IP6K2: variants seen among roughly 807,000 people sequenced by gnomAD.
IP6K2 encodes ATP:1D-myo-inositol-hexakisphosphate phosphotransferase.
IP6K2 carries 9 observed loss-of-function variants against 43.3 expected under a neutral mutation model. That is an observed-to-expected ratio of 0.21 (90% confidence interval 0.13 to 0.36). The LOEUF is 0.36. IP6K2 is among the 10% of genes least tolerant of loss of function. The pLI is 1.00. For missense variants in IP6K2, 332 were observed against 538.4 expected (o/e 0.62, Z 3.79); for synonymous variants, 209 against 202.4 (o/e 1.03, Z -0.28).
Position 48,688,500 on chromosome 3 carries a change from A to G in IP6K2, c.1054T>C (p.Leu352=), listed in dbSNP as rs760183457. ...EVVLDSDAED[L]EDLSEESADE... is the part of the protein sequence containing the mutation. ...GCTGATTCCTCTGACAGGTCCTCCA[A>G]ATCCTCAGCATCTGAGTCCAGGACC... The change falls in exon 6 of 6, where the codon TTG becomes CTG. Residue 352 remains leucine, a synonymous_variant. Coordinates refer to ENST00000328631, the MANE Select transcript of IP6K2 (RefSeq NM_016291.4). The surrounding 1 kb of genome is among the most constrained non-coding windows in gnomAD (Gnocchi z 5.1). 2.5e-6 allele frequency: 4 copies of G among 1,614,204 alleles called. No individual in the cohort carries two copies. In the African/African-American group the frequency reaches 4.0e-5, roughly 16 times the overall value.
chr3:48,707,696 C>T (rs2079973296), intron 1 of IP6K2, among the ~76,000 whole-genome samples: 1 of 152,142 alleles, frequency 6.6e-6, no homozygotes, highest in Non-Finnish European at 1.5e-5. Context: ...CCTTGGCCTC[C>T]CAAAGTGCTG....
chr3:48,691,807 T>A (rs1176853602), intron 3 of IP6K2, among the ~76,000 whole-genome samples: 3 of 136,996 alleles, frequency 2.2e-5, no homozygotes, highest in African/African-American at 3.2e-5. Flanking sequence ...ACTCAAAAAA[T>A]AAATAAATAA....
At position 48,694,803 on chromosome 3, in the gene IP6K2, G is replaced by C. The variant is rs562184464; in HGVS notation, c.202+287C>G. On this transcript the variant is annotated intron_variant, in intron 2 of 5. Coordinates refer to ENST00000328631, the MANE Select transcript of IP6K2 (RefSeq NM_016291.4). ...ACCGTCCCCCCAGTGGGGGACTATG[G>C]GTTACTGTGATCAAGAGACACCTGA... is the stretch of plus-strand genomic sequence containing the variant. 8.7e-5 allele frequency: 134 copies of C among 1,536,116 alleles called. 2 individuals carry two copies. The South Asian group carries it at 1.6e-3, about 18-fold the overall frequency.
rs780955935 is a variant in IP6K2 at position 48,688,771 on chromosome 3, C to T, written c.783G>A (p.Val261=). 2 of 1,606,326 alleles carry T rather than the reference C, an allele frequency of 1.2e-6. No homozygotes were observed. The highest frequency in any genetic ancestry group is 2.2e-5 in the South Asian group (2 of 89,884). The part of the protein sequence containing the change: ...VIGVRVCGMQ[V]YQAGSGQLMF... Reference sequence around the variant, plus strand: ...TGAGCTGCCCACTGCCTGCTTGGTACACCTGTAGGAGAGAGACCAGCAAGT... The same window carrying T: ...TGAGCTGCCCACTGCCTGCTTGGTATACCTGTAGGAGAGAGACCAGCAAGT... The change falls in exon 6 of 6, where the codon GTG becomes GTA. Residue 261 remains valine (V), a splice_region_variant and synonymous_variant. Coordinates refer to ENST00000328631, the MANE Select transcript of IP6K2 (RefSeq NM_016291.4). This position sits in a 1 kb window ranked among gnomAD's most constrained non-coding sequence, Gnocchi z 5.1.
At chr3:48,714,134 A>C (rs1365184672) in intron 1 of IP6K2, among the ~76,000 whole-genome samples, 2 of 152,192 alleles carry the variant, frequency 1.3e-5, no homozygotes, top group Admixed American at 6.5e-5. Context: ...ACAAAACAAA[A>C]CAAAACAAAA....
rs759980196 is a variant in IP6K2, at chr3:48,688,659, G to A, written c.895C>T (p.Leu299=). The change falls in exon 6 of 6, where the codon CTG becomes TTG. Residue 299 remains leucine, a synonymous_variant. Transcript: ENST00000328631. This position sits in a 1 kb window ranked among gnomAD's most constrained non-coding sequence, Gnocchi z 5.1. Reference sequence around the variant, plus strand: ...ACAGGGCCCAGGAGTTCACGGCGCAGGTACCGCCCATTGTGGAAGAACTGG... The same window carrying A: ...ACAGGGCCCAGGAGTTCACGGCGCAAGTACCGCCCATTGTGGAAGAACTGG... ...LFQFFHNGRY[L]RRELLGPVLK... 2 of 1,614,244 alleles carry A rather than the reference G, an allele frequency of 1.2e-6. No homozygotes were observed. Among genetic ancestry groups the A allele is most frequent in the South Asian group, 2.2e-5 (2 of 91,084 alleles).
intron 2 of IP6K2, chr3:48,693,991 A>AG: frequency 3.6e-6 from 5 of 1,378,340 alleles, no homozygotes; most frequent in South Asian, 1.8e-5. Flanking sequence ...AGCGCCTTAC[A>AG]AACGACTGGC....
chr3:48,688,823 T>C lies in IP6K2; in HGVS notation c.781-50A>G. The C allele has an allele frequency of 6.4e-7, 1 of 1,550,754 alleles. No individual in the cohort carries two copies. The highest frequency in any genetic ancestry group is 8.7e-7 in the Non-Finnish European group (1 of 1,149,318). ...AGGGGCTGAGGGCCATCTCAAACCC[T>C]GGACCCCGGGCGGGGGTGGGGTGGT... On this transcript the variant is annotated intron_variant, in intron 5 of 5. Transcript: ENST00000328631. The surrounding 1 kb of genome is among the most constrained non-coding windows in gnomAD (Gnocchi z 5.1).
rs2078190768 is a variant in IP6K2 at position 48,695,155 on chromosome 3, G to A, written c.137C>T (p.Pro46Leu). The A allele has an allele frequency of 6.2e-7, 1 of 1,608,412 alleles. No individual in the cohort carries two copies. The change falls in exon 2 of 6, where the codon CCA (proline) becomes CTA (leucine). Residue 46 changes from proline (P) to leucine (L), a missense_variant. Pro to Leu is a moderately conservative substitution (Grantham distance 98, BLOSUM62 -3). Coordinates refer to ENST00000328631, the MANE Select transcript of IP6K2 (RefSeq NM_016291.4). This position sits in a 1 kb window ranked among gnomAD's most constrained non-coding sequence, Gnocchi z 4.6. The stretch of plus-strand genomic sequence containing the variant: ...GGTCTCGTAGAACTGATGTTCCCTT[G>A]GGACCAGGGGCTTGCACAGGGTTGT... ...NETTLCKPLVPREHQFYETLP... is the reference protein window; with the variant it reads ...NETTLCKPLVLREHQFYETLP...
At chr3:48,709,029 A>G (rs1483578330) in intron 1 of IP6K2, among the ~76,000 whole-genome samples, 2 of 152,178 alleles carry the variant, frequency 1.3e-5, no homozygotes, top group African/African-American at 2.4e-5. Flanking sequence ...AGATTGTACC[A>G]CCATACTCCA....
In IP6K2 at chr3:48,710,780, T is replaced by C. The variant is rs183777612; in HGVS notation, c.-131+6377A>G. On this transcript the variant is annotated intron_variant, in intron 1 of 5. Coordinates refer to ENST00000328631, the MANE Select transcript of IP6K2 (RefSeq NM_016291.4). ...GGCCACCACCACGCCCGGCTAATTT[T>C]TTGTATTTTTAGTAGAGACAGGGTT... is the stretch of plus-strand genomic sequence containing the variant. 2.4e-4 allele frequency among the ~76,000 whole-genome samples: 37 copies of C among 152,218 alleles called. No homozygotes were observed. In the East Asian group the frequency reaches 7.0e-3, roughly 29 times the overall value.
At chr3:48,693,984 GCC>G in intron 2 of IP6K2, 3 of 1,373,194 alleles carry the variant, frequency 2.2e-6, no homozygotes, top group South Asian at 3.7e-5. Context: ...GCCGACGAGC[GCC>G]TTACAAACGA....
chr3:48,704,919 C>T (rs570355127), intron 1 of IP6K2, among the ~76,000 whole-genome samples: 4 of 151,446 alleles, frequency 2.6e-5, no homozygotes, highest in East Asian at 1.9e-4. Flanking sequence ...ATTACAAGCA[C>T]GCGCCACTGT....
At chr3:48,700,667 T>C (rs939494223) in intron 1 of IP6K2, among the ~76,000 whole-genome samples, 1 of 152,186 alleles carries the variant, frequency 6.6e-6, no homozygotes, top group Non-Finnish European at 1.5e-5. Context: ...TCTTAACTTT[T>C]AAAGTAATGC....
chr3:48,693,569 C>T, intron 2 of IP6K2: 3 of 1,188,934 alleles, frequency 2.5e-6, no homozygotes, highest in Non-Finnish European at 2.1e-6. Context: ...ACTCCAACAG[C>T]CTCATGGCTT....
chr3:48,705,317 A>G (rs1259146038), intron 1 of IP6K2, among the ~76,000 whole-genome samples: 1 of 152,058 alleles, frequency 6.6e-6, no homozygotes, highest in African/African-American at 2.4e-5. Flanking sequence ...TCAGCCTCCC[A>G]AAGTGCTGGG....
At chr3:48,715,478 C>G in intron 1 of IP6K2, 1 of 1,534,938 alleles carries the variant, frequency 6.5e-7, no homozygotes, top group Non-Finnish European at 8.7e-7. Flanking sequence ...TTCCACTGCT[C>G]AGACAGATAC....
chr3:48,688,837 G>T lies in IP6K2; in HGVS notation c.781-64C>A, dbSNP rs190323260. On this transcript the variant is annotated intron_variant, in intron 5 of 5. Transcript: ENST00000328631. The surrounding 1 kb of genome is among the most constrained non-coding windows in gnomAD (Gnocchi z 5.1). ...ATCTCAAACCCTGGACCCCGGGCGGGGGTGGGGTGGTGTGGTGGTGGCGGC... is the reference window on the plus strand; with the variant it reads ...ATCTCAAACCCTGGACCCCGGGCGGTGGTGGGGTGGTGTGGTGGTGGCGGC... 726 of 1,530,654 alleles carry T rather than the reference G, an allele frequency of 4.7e-4. 1 individual carries two copies. The highest frequency in any genetic ancestry group is 1.7e-3 in the Admixed American group (88 of 51,336). 94.8% of individuals were successfully genotyped at this position (1,530,654 alleles called of 1,614,324 possible).
In IP6K2 at chr3:48,695,350, T is replaced by C; in HGVS notation, c.-59A>G. ...GCAGCGGAGTCCAGCGGCCAGTACG[T>C]CTTCTGTCTGTTGTTTGTCCGTGTG... On this transcript the variant is annotated 5_prime_UTR_variant, in exon 2 of 6. Coordinates refer to ENST00000328631, the MANE Select transcript of IP6K2 (RefSeq NM_016291.4). This position sits in a 1 kb window ranked among gnomAD's most constrained non-coding sequence, Gnocchi z 4.6. 1 of 1,545,874 alleles carries C rather than the reference T, an allele frequency of 6.5e-7. No homozygotes were observed. The highest frequency in any genetic ancestry group is 8.7e-7 in the Non-Finnish European group (1 of 1,146,846).
Sources: allele counts gnomAD v4.1 joint callset (sites outside exome capture counted in the v4.1 genomes callset), GRCh38; gene constraint gnomAD v4.1.1; non-coding constraint Gnocchi (gnomAD v3.1); transcripts MANE v1.5; gene names NCBI Gene and HGNC (gene_info 2026-07-23, HGNC 2026-07-21).